The following EPHA6 variants were observed in gnomAD, a reference collection of about 807,000 sequenced individuals.
The protein encoded by EPHA6 is EPH receptor A6.
A neutral mutation model predicts 112.0 loss-of-function variants in EPHA6; 50 were observed. That is an observed-to-expected ratio of 0.45 (90% CI 0.36 to 0.56). The LOEUF (loss-of-function observed/expected upper bound fraction) is 0.56. Among genes scored for constraint, EPHA6 ranks in the 20% least tolerant of loss-of-function variants. The probability of loss-of-function intolerance (pLI) is 0.00; values close to 1 mark genes in which losing one functional copy is unlikely to be tolerated. For synonymous variants in EPHA6, 529 were observed against 490.7 expected, an observed-to-expected ratio of 1.08 and a Z score of -1.03; for missense variants, 1,280 against 1,417.4, an observed-to-expected ratio of 0.90 and a Z score of 1.56.
At chr3:96,931,558 G>C (rs1251350668) in intron 2 of EPHA6, among the ~76,000 whole-genome samples, 4 of 152,234 alleles carry the variant, frequency 2.6e-5, no homozygotes, top group African/African-American at 9.6e-5. Context: ...AAGCAGTCTG[G>C]CCATGGTGTA....
chr3:97,190,917 G>A (rs976338741), intron 3 of EPHA6, among the ~76,000 whole-genome samples: 1 of 152,032 alleles, frequency 6.6e-6, no homozygotes, highest in Non-Finnish European at 1.5e-5. Flanking sequence ...ATTGCAAAAG[G>A]TGTAAGAACA....
intron 2 of EPHA6, among the ~76,000 whole-genome samples, chr3:96,916,754 A>G (rs1203011378): frequency 6.6e-6 from 1 of 152,166 alleles, no homozygotes; most frequent in African/African-American, 2.4e-5. Flanking sequence ...GCGCTTGAGA[A>G]TATCATTTTT....
At chr3:97,692,712 C>A (rs1415165868) in intron 14 of EPHA6, among the ~76,000 whole-genome samples, 1 of 152,182 alleles carries the variant, frequency 6.6e-6, no homozygotes, top group East Asian at 1.9e-4. Context: ...AAAAACTTTT[C>A]TGAAACATTA....
chr3:97,725,459 A>C (rs2034719873), intron 15 of EPHA6, among the ~76,000 whole-genome samples: 1 of 152,110 alleles, frequency 6.6e-6, no homozygotes. Context: ...GAATTCCCCA[A>C]AGCAATGCAG....
At chr3:97,674,872 A>G (rs892812754) in intron 14 of EPHA6, among the ~76,000 whole-genome samples, 2 of 152,188 alleles carry the variant, frequency 1.3e-5, no homozygotes, top group African/African-American at 4.8e-5. Flanking sequence ...TTTTTGACTT[A>G]CTTCATCGGG....
intron 1 of EPHA6, among the ~76,000 whole-genome samples, chr3:96,864,619 A>G (rs1178775724): frequency 1.3e-5 from 2 of 152,058 alleles, no homozygotes; most frequent in East Asian, 3.9e-4. Context: ...GATTGTAGCC[A>G]TGGTTCCATG....
At chr3:97,544,509 G>T (rs1164766516) in intron 11 of EPHA6, among the ~76,000 whole-genome samples, 2 of 152,144 alleles carry the variant, frequency 1.3e-5, no homozygotes, top group Non-Finnish European at 2.9e-5. Flanking sequence ...TTTTACTGAG[G>T]ATTTTTGCAT....
intron 3 of EPHA6, among the ~76,000 whole-genome samples, chr3:97,008,025 C>A (rs1381212499): frequency 6.6e-6 from 1 of 152,158 alleles, no homozygotes; most frequent in Non-Finnish European, 1.5e-5. Context: ...TTCTCCCTGG[C>A]TGCCCTTAAC....
Position 97,282,833 on chromosome 3 carries a change from T to C in EPHA6, c.1606+38546T>C, listed in dbSNP as rs148209409. Among the ~76,000 whole-genome samples, 381 of 152,226 alleles carry C rather than the reference T, an allele frequency of 2.5e-3. 3 individuals are homozygous for C. The highest frequency in any genetic ancestry group is 9.0e-3 in the African/African-American group (373 of 41,546). ...GGGGAACAACACACACCGGGGCCTA[T>C]CAGCAGGGCAGGGGAAGGGAGAGCA... On this transcript the variant is annotated intron_variant, in intron 5 of 17. Transcript: ENST00000389672.
chr3:97,465,352 C>A (rs1331147821), intron 7 of EPHA6, among the ~76,000 whole-genome samples: 1 of 152,016 alleles, frequency 6.6e-6, no homozygotes, highest in South Asian at 2.1e-4. Context: ...GTGCCAAAAA[C>A]CTTCTTGCTG....
chr3:97,036,066 G>A (rs9832289), intron 3 of EPHA6, among the ~76,000 whole-genome samples: 1,978 of 152,050 alleles, frequency 0.013, 49 homozygotes, highest in African/African-American at 0.045. Context: ...AAGGAAGCAG[G>A]CCCTCACCAA....
chr3:97,542,251 C>T (rs1271061430), intron 11 of EPHA6, among the ~76,000 whole-genome samples: 2 of 152,104 alleles, frequency 1.3e-5, no homozygotes, highest in Non-Finnish European at 2.9e-5. Context: ...TCTCCCCGCA[C>T]CCCACTACAG....
intron 13 of EPHA6, among the ~76,000 whole-genome samples, chr3:97,626,060 T>G (rs1222303714): frequency 2.0e-5 from 3 of 151,784 alleles, no homozygotes; most frequent in Non-Finnish European, 4.4e-5. Context: ...TTGGAATAAT[T>G]ATTGAAATTA....
At chr3:97,093,526 G>A (rs1429798113) in intron 3 of EPHA6, among the ~76,000 whole-genome samples, 3 of 151,912 alleles carry the variant, frequency 2.0e-5, no homozygotes, top group Non-Finnish European at 2.9e-5. Flanking sequence ...CTCCAGCCTG[G>A]GTGACACAGG....
At position 97,042,396 on chromosome 3, in the gene EPHA6, T is replaced by G. The variant is rs911938120; in HGVS notation, c.1114+54403T>G. 3.3e-5 allele frequency among the ~76,000 whole-genome samples: 5 copies of G among 152,218 alleles called. No individual in the cohort carries two copies. The South Asian group carries it at 1.0e-3, about 32-fold the overall frequency. On this transcript the variant is annotated intron_variant, in intron 3 of 17. Transcript: ENST00000389672. ...AGCAGATGCCCAGGCTCATGCTTCC[T>G]GTACAGCCTGCAGAACTGTTAGCCA...
chr3:97,608,042 TCTC>T (rs1425248787), intron 12 of EPHA6, among the ~76,000 whole-genome samples: 2 of 150,782 alleles, frequency 1.3e-5, no homozygotes, highest in Non-Finnish European at 3.0e-5. Flanking sequence ...ACTAGTTTCT[TCTC>T]TGTTGAAAAC....
intron 1 of EPHA6, among the ~76,000 whole-genome samples, chr3:96,819,640 A>G (rs1476121162): frequency 6.6e-6 from 1 of 152,124 alleles, no homozygotes; most frequent in Non-Finnish European, 1.5e-5. Flanking sequence ...TAGGTGATCA[A>G]AATAGTTTGA....
chr3:97,718,307 T>G (rs142551529), intron 14 of EPHA6, among the ~76,000 whole-genome samples: 3 of 152,326 alleles, frequency 2.0e-5, no homozygotes, highest in Non-Finnish European at 4.4e-5. Flanking sequence ...ATCACACCCA[T>G]TTTTTAGAAC....
At chr3:97,072,421 G>A (rs2046389294) in intron 3 of EPHA6, among the ~76,000 whole-genome samples, 1 of 152,026 alleles carries the variant, frequency 6.6e-6, no homozygotes, top group Non-Finnish European at 1.5e-5. Flanking sequence ...GACACATGAA[G>A]AACATCATCT....
Sources: allele counts gnomAD v4.1 joint callset (sites outside exome capture counted in the v4.1 genomes callset), GRCh38; gene constraint gnomAD v4.1.1; transcripts MANE v1.5; gene names NCBI Gene and HGNC (gene_info 2026-07-23, HGNC 2026-07-21).